DAPP1: variants seen among roughly 807,000 people sequenced by gnomAD.
The protein encoded by DAPP1 is dual adaptor of phosphotyrosine and 3-phosphoinositides 1, also known as dual adapter for phosphotyrosine and 3-phosphotyrosine and 3-phosphoinositide.
A neutral mutation model predicts 41.5 loss-of-function variants in DAPP1; 20 were observed. The ratio of observed to expected loss-of-function variants is 0.48; its 90% CI spans 0.34 to 0.70. The LOEUF is 0.70. Ranked by LOEUF, DAPP1 falls within the 30% of genes least tolerant of loss-of-function variation. The pLI is 0.01. For missense variants in DAPP1, 233 were observed against 333.4 expected (o/e 0.70, Z 2.35); for synonymous variants, 113 against 116.2 (o/e 0.97, Z 0.18).
intron 1 of DAPP1, among the ~76,000 whole-genome samples, chr4:99,817,581 C>A (rs1281454635): frequency 6.6e-6 from 1 of 152,152 alleles, no homozygotes; most frequent in Non-Finnish European, 1.5e-5. Context: ...AACTTTGAGC[C>A]TTTCAGTACC....
chr4:99,847,962 C>T lies in DAPP1; in HGVS notation c.359-5256C>T, dbSNP rs1050574795. On this transcript the variant is annotated intron_variant, in intron 3 of 8. Transcript: ENST00000512369. The stretch of plus-strand genomic sequence containing the variant: ...CCGAGTAGCTGGGATTACAGGCATG[C>T]GCCACCATGCCCGGCTAATTTTTGT... 1.2e-4 allele frequency among the ~76,000 whole-genome samples: 18 copies of T among 150,836 alleles called. 1 individual carries two copies. Among genetic ancestry groups the T allele is most frequent in the African/African-American group, 4.1e-4 (17 of 41,094 alleles).
chr4:99,826,255 T>C (rs1159043267), intron 1 of DAPP1, among the ~76,000 whole-genome samples: 1 of 152,204 alleles, frequency 6.6e-6, no homozygotes, highest in Non-Finnish European at 1.5e-5. Flanking sequence ...TTTGTCATCT[T>C]TGGTCTAGAT....
chr4:99,836,581 C>T (rs1423412631), intron 2 of DAPP1, among the ~76,000 whole-genome samples: 1 of 152,132 alleles, frequency 6.6e-6, no homozygotes, highest in Non-Finnish European at 1.5e-5. Flanking sequence ...CTCCATATAC[C>T]CTGGAGAGTC....
intron 3 of DAPP1, among the ~76,000 whole-genome samples, chr4:99,842,423 G>A (rs17029585): frequency 6.6e-6 from 1 of 152,024 alleles, no homozygotes; most frequent in Admixed American, 6.6e-5. Context: ...TCCTGCTTTC[G>A]GCCCCTCGTG....
At chr4:99,828,427 T>C (rs964597665) in intron 1 of DAPP1, among the ~76,000 whole-genome samples, 2 of 152,218 alleles carry the variant, frequency 1.3e-5, no homozygotes, top group African/African-American at 4.8e-5. Flanking sequence ...TGATATAAAA[T>C]GTATTTTGTA....
chr4:99,863,466 C>G (rs746810194), intron 6 of DAPP1, among the ~76,000 whole-genome samples: 1 of 152,100 alleles, frequency 6.6e-6, no homozygotes, highest in Non-Finnish European at 1.5e-5. Context: ...TCTTATATAA[C>G]ATTTCTAAGA....
At position 99,868,474 on chromosome 4, in the gene DAPP1, A is replaced by C; in HGVS notation, c.*289A>C. 2.9e-6 allele frequency: 1 copy of C among 349,308 alleles called. No individual in the cohort carries two copies. The highest frequency in any genetic ancestry group is 3.5e-5 in the South Asian group (1 of 28,198). The allele number at this position is 349,308 out of a possible 1,614,324, so 21.6% of individuals were successfully genotyped here. On this transcript the variant is annotated 3_prime_UTR_variant, in exon 9 of 9. Transcript: ENST00000512369. Reference sequence around the variant, plus strand: ...TCTTAGAACACACAATGGAAGAGGAAGGGTTTTTGTTTTCACTCATTGTGG... The same window carrying C: ...TCTTAGAACACACAATGGAAGAGGACGGGTTTTTGTTTTCACTCATTGTGG...
intron 1 of DAPP1, among the ~76,000 whole-genome samples, chr4:99,826,958 A>T (rs1439744833): frequency 2.6e-5 from 4 of 152,090 alleles, no homozygotes; most frequent in African/African-American, 9.7e-5. Flanking sequence ...TCTCTTTTCC[A>T]TTCTGTTGGT....
At position 99,870,155 on chromosome 4, in the gene DAPP1, C is replaced by A. The variant is rs1174867330; in HGVS notation, c.*1970C>A. The A allele has an allele frequency of 1.3e-5, 2 of 151,798 alleles. No homozygotes were observed. Among genetic ancestry groups the A allele is most frequent in the Non-Finnish European group, 2.9e-5 (2 of 67,956 alleles). The allele number at this position is 151,798 out of a possible 1,614,324, so 9.4% of individuals were successfully genotyped here. Reference sequence around the variant, plus strand: ...ATTTTGCTGTGCATGTACCATTTTGCTATTAAAATTTATTTTTAATATTTG... The same window carrying A: ...ATTTTGCTGTGCATGTACCATTTTGATATTAAAATTTATTTTTAATATTTG... On this transcript the variant is annotated 3_prime_UTR_variant, in exon 9 of 9. Transcript: ENST00000512369.
chr4:99,828,433 T>G (rs1723014823), intron 1 of DAPP1, among the ~76,000 whole-genome samples: 1 of 152,240 alleles, frequency 6.6e-6, no homozygotes, highest in African/African-American at 2.4e-5. Context: ...AAAATGTATT[T>G]TGTACTGTGA....
chr4:99,865,937 ATAT>A (rs1560711081), intron 7 of DAPP1, 94 bp from the exon 8 acceptor site: 1 of 78,820 alleles, frequency 1.3e-5, no homozygotes, highest in Non-Finnish European at 2.3e-5. Context: ...TATATATAAT[ATAT>A]TATATTATAT....
chr4:99,832,651 C>A (rs1723165416), intron 1 of DAPP1, among the ~76,000 whole-genome samples: 1 of 152,214 alleles, frequency 6.6e-6, no homozygotes, highest in Non-Finnish European at 1.5e-5. Context: ...ATTCTTCTTG[C>A]ATTATACTCA....
chr4:99,835,507 C>G, intron 1 of DAPP1, 116 bp from the exon 2 acceptor site: 3 of 1,454,478 alleles, frequency 2.1e-6, no homozygotes, highest in Non-Finnish European at 2.8e-6. Flanking sequence ...AGAGCTGGGT[C>G]TCTGGGCTAC....
intron 5 of DAPP1, 100 bp downstream of exon 5, chr4:99,861,725 G>C: frequency 7.4e-7 from 1 of 1,343,450 alleles, no homozygotes; most frequent in Admixed American, 2.1e-5. Context: ...AAGCATAATT[G>C]CCTGCTCATT....
chr4:99,833,934 C>G (rs913936088), intron 1 of DAPP1, among the ~76,000 whole-genome samples: 4 of 152,174 alleles, frequency 2.6e-5, no homozygotes, highest in Non-Finnish European at 2.9e-5. Flanking sequence ...GTGCAGGACT[C>G]ACAACTGGCC....
At chr4:99,862,361 G>T (rs1209036662) in intron 5 of DAPP1, among the ~76,000 whole-genome samples, 1 of 152,202 alleles carries the variant, frequency 6.6e-6, no homozygotes, top group Non-Finnish European at 1.5e-5. Context: ...ACCCAGGATA[G>T]AGTAGGATGC....
chr4:99,838,054 G>C (rs1190589506), intron 2 of DAPP1, among the ~76,000 whole-genome samples: 1 of 152,126 alleles, frequency 6.6e-6, no homozygotes, highest in African/African-American at 2.4e-5. Context: ...ATAAAAATGA[G>C]CTTCGCTAGC....
At position 99,853,299 on chromosome 4, in the gene DAPP1, C is replaced by T; in HGVS notation, c.440C>T (p.Ala147Val). 2 of 1,612,832 alleles carry T rather than the reference C, an allele frequency of 1.2e-6. No homozygotes were observed. The highest frequency in any genetic ancestry group is 1.7e-6 in the Non-Finnish European group (2 of 1,179,350). ...TATGAATCTGTCCGGGTTCACACAG[C>T]AATGCAGACAGGAAGAACAGAAGAT... ...SIYESVRVHT[A>V]MQTGRTEDDL... The change falls in exon 4 of 9, where the codon GCA (alanine) becomes GTA (valine). Residue 147 changes from alanine to valine, a missense_variant. Transcript: ENST00000512369.
rs1724580307 is a variant in DAPP1, at chr4:99,869,711, C to T, written c.*1526C>T. ...TTGGTAGGCCAAGACAAGCAGATCACTTGAGGTCAGGAGTTCAACATCAGC... is the reference window on the plus strand; with the variant it reads ...TTGGTAGGCCAAGACAAGCAGATCATTTGAGGTCAGGAGTTCAACATCAGC... On this transcript the variant is annotated 3_prime_UTR_variant, in exon 9 of 9. Coordinates refer to ENST00000512369, the MANE Select transcript of DAPP1 (RefSeq NM_014395.3). 1.3e-5 allele frequency: 2 copies of T among 152,146 alleles called. No individual in the cohort carries two copies. The highest frequency in any genetic ancestry group is 2.9e-5 in the Non-Finnish European group (2 of 68,024). The allele number at this position is 152,146 out of a possible 1,614,324, so 9.4% of individuals were successfully genotyped here.
Sources: allele counts gnomAD v4.1 joint callset (sites outside exome capture counted in the v4.1 genomes callset), GRCh38; gene constraint gnomAD v4.1.1; transcripts MANE v1.5; gene names NCBI Gene and HGNC (gene_info 2026-07-23, HGNC 2026-07-21).